The following NEGR1 variants were observed in gnomAD, a reference collection of about 807,000 sequenced individuals.
NEGR1 encodes IgLON family member 4.
Under a neutral mutation model 40.9 loss-of-function variants are expected in NEGR1, and 10 were observed. That is an observed-to-expected ratio of 0.24 (90% CI 0.15 to 0.42). NEGR1 has a LOEUF of 0.42. Among genes scored for constraint, NEGR1 ranks in the 10% least tolerant of loss-of-function variants. The probability of loss-of-function intolerance (pLI) is 1.00; values close to 1 mark genes in which losing one functional copy is unlikely to be tolerated. For synonymous variants in NEGR1, 185 were observed against 166.8 expected (o/e 1.11, Z -0.84); for missense variants, 352 against 438.9 (o/e 0.80, Z 1.77).
intron 1 of NEGR1, among the ~76,000 whole-genome samples, chr1:72,228,270 C>T (rs1178040972): frequency 6.6e-6 from 1 of 152,166 alleles, no homozygotes; most frequent in Admixed American, 6.6e-5. Context: ...GGGTGGGCAT[C>T]AGCCCATCTG....
chr1:71,742,659 G>C (rs1655251573), intron 3 of NEGR1, among the ~76,000 whole-genome samples: 1 of 152,014 alleles, frequency 6.6e-6, no homozygotes, highest in East Asian at 1.9e-4. Context: ...GTTTTCATGG[G>C]CTCATAGCTG....
At chr1:71,977,164 A>T (rs1196633701) in intron 1 of NEGR1, among the ~76,000 whole-genome samples, 2 of 152,142 alleles carry the variant, frequency 1.3e-5, no homozygotes, top group Non-Finnish European at 1.5e-5. Flanking sequence ...CTCCACTAAA[A>T]ATACAAAAAA....
chr1:72,048,349 T>G (rs1647022318), intron 1 of NEGR1, among the ~76,000 whole-genome samples: 1 of 151,660 alleles, frequency 6.6e-6, no homozygotes, highest in Non-Finnish European at 1.5e-5. Flanking sequence ...CTCAGAAAGC[T>G]GAAGTCTCTA....
At position 71,727,396 on chromosome 1, in the gene NEGR1, G is replaced by T. The variant is rs558823337; in HGVS notation, c.536-29257C>A. Among the ~76,000 whole-genome samples the T allele has an allele frequency of 5.7e-4, 87 of 152,218 alleles. 1 individual carries two copies. Among genetic ancestry groups the T allele is most frequent in the Middle Eastern group, 6.8e-3 (2 of 294 alleles). ...GATTCATAAACTGAGAAGCTGAATT[G>T]CTAAAGCTTTGATAAAAGATTGCAT... is the stretch of plus-strand genomic sequence containing the variant. On this transcript the variant is annotated intron_variant, in intron 3 of 6. Coordinates refer to ENST00000357731, the MANE Select transcript of NEGR1 (RefSeq NM_173808.3).
At chr1:71,555,981 A>G (rs1258915817) in intron 6 of NEGR1, among the ~76,000 whole-genome samples, 1 of 151,436 alleles carries the variant, frequency 6.6e-6, no homozygotes, top group Non-Finnish European at 1.5e-5. Flanking sequence ...TGTATTTTCT[A>G]TGATGCTATG....
At chr1:72,204,160 G>A (rs975810118) in intron 1 of NEGR1, among the ~76,000 whole-genome samples, 1 of 151,960 alleles carries the variant, frequency 6.6e-6, no homozygotes. Flanking sequence ...ATCAAACAAA[G>A]TTACACCGTG....
intron 6 of NEGR1, among the ~76,000 whole-genome samples, chr1:71,564,123 G>A (rs1648545942): frequency 6.6e-6 from 1 of 152,044 alleles, no homozygotes; most frequent in Admixed American, 6.6e-5. Flanking sequence ...TAGAAATGCA[G>A]ACTCTCAGGC....
intron 2 of NEGR1, among the ~76,000 whole-genome samples, chr1:71,788,942 T>A (rs577924541): frequency 1.3e-5 from 2 of 152,080 alleles, no homozygotes; most frequent in African/African-American, 4.8e-5. Context: ...AACATTAAAA[T>A]AGATTAAAAA....
intron 1 of NEGR1, among the ~76,000 whole-genome samples, chr1:72,216,415 ATG>A (rs976944932): frequency 5.5e-5 from 8 of 146,246 alleles, no homozygotes; most frequent in Admixed American, 3.5e-4. Flanking sequence ...ATATATATAT[ATG>A]TATATCTATA....
intron 6 of NEGR1, among the ~76,000 whole-genome samples, chr1:71,417,786 A>G (rs2101273150): frequency 6.6e-6 from 1 of 152,302 alleles, no homozygotes; most frequent in South Asian, 2.1e-4. Flanking sequence ...AATTTTCTTA[A>G]AATTGTAGCT....
intron 3 of NEGR1, among the ~76,000 whole-genome samples, chr1:71,721,204 T>C (rs1266712087): frequency 6.6e-6 from 1 of 152,128 alleles, no homozygotes; most frequent in African/African-American, 2.4e-5. Context: ...TTTACACCAT[T>C]TTTTTCTTTG....
chr1:72,063,977 G>A (rs1008807871), intron 1 of NEGR1, among the ~76,000 whole-genome samples: 35 of 151,464 alleles, frequency 2.3e-4, no homozygotes, highest in Admixed American at 1.8e-3. Context: ...ATGGCTTACA[G>A]TTTCAATTTC....
intron 2 of NEGR1, among the ~76,000 whole-genome samples, chr1:71,805,696 C>A (rs539958849): frequency 1.3e-5 from 2 of 152,230 alleles, no homozygotes; most frequent in South Asian, 2.1e-4. Flanking sequence ...TCTCTTATTT[C>A]TTTTGTTAAA....
At chr1:72,113,958 C>T (rs1649483671) in intron 1 of NEGR1, among the ~76,000 whole-genome samples, 1 of 151,722 alleles carries the variant, frequency 6.6e-6, no homozygotes, top group South Asian at 2.1e-4. Flanking sequence ...ACATCCTCTA[C>T]TTTTCTATGT....
rs546004234 is a variant in NEGR1, at chr1:71,897,996, C to G, written c.409+37083G>C. Among the ~76,000 whole-genome samples, 3 of 152,180 alleles carry G rather than the reference C, an allele frequency of 2.0e-5. No homozygotes were observed. In the South Asian group the frequency reaches 6.2e-4, roughly 32 times the overall value. ...AAAGCCAACAGACAATTTTACTTTA[C>G]GGATAGTATTTTCTGAAGGAACAAA... On this transcript the variant is annotated intron_variant, in intron 2 of 6. Coordinates refer to ENST00000357731, the MANE Select transcript of NEGR1 (RefSeq NM_173808.3).
At chr1:72,135,404 C>CAAAAAAAAAAAAAA (rs562148946) in intron 1 of NEGR1, among the ~76,000 whole-genome samples, 1 of 65,790 alleles carries the variant, frequency 1.5e-5, no homozygotes, top group African/African-American at 7.9e-5. Flanking sequence ...AAACAAAAAA[C>CAAAAAAAAAAAAAA]AAAAAAAAAA....
intron 6 of NEGR1, among the ~76,000 whole-genome samples, chr1:71,491,536 A>G (rs1365402027): frequency 6.6e-6 from 1 of 151,716 alleles, no homozygotes; most frequent in Non-Finnish European, 1.5e-5. Flanking sequence ...AGGCAAGAAA[A>G]GACACATTTT....
chr1:72,130,511 A>C (rs1231548085), intron 1 of NEGR1, among the ~76,000 whole-genome samples: 1 of 152,186 alleles, frequency 6.6e-6, no homozygotes, highest in African/African-American at 2.4e-5. Context: ...TAAATGCTTT[A>C]AACTGATGAA....
At chr1:72,131,990 T>G (rs2100314933) in intron 1 of NEGR1, among the ~76,000 whole-genome samples, 1 of 152,194 alleles carries the variant, frequency 6.6e-6, no homozygotes, top group Non-Finnish European at 1.5e-5. Context: ...AGCCACCTAC[T>G]TGGGGTCCTG....
Sources: gnomAD v4.1 joint callset for allele counts (sites outside exome capture counted in the v4.1 genomes callset) on GRCh38, gnomAD v4.1.1 for gene constraint, MANE v1.5 for transcripts, NCBI Gene and HGNC (gene_info 2026-07-23, HGNC 2026-07-21) for gene names.